The following CNDP1 variants were observed in gnomAD, a reference collection of about 807,000 sequenced individuals.
The protein encoded by CNDP1 is beta-Ala-His dipeptidase.
A neutral mutation model predicts 58.1 loss-of-function variants in CNDP1; 44 were observed. The observed-to-expected ratio is 0.76, with a 90% CI of 0.60 to 0.97. The LOEUF (loss-of-function observed/expected upper bound fraction) is 0.97, where lower values mean the gene tolerates loss of function less well. Ranked by LOEUF, CNDP1 falls within the 50% of genes least tolerant of loss-of-function variation. The pLI is 0.00. For missense variants in CNDP1, 616 were observed against 655.1 expected (o/e 0.94, Z 0.65); for synonymous variants, 254 against 252.6 (o/e 1.01, Z -0.05).
chr18:74,553,567 A>G (rs1323736344), intron 1 of CNDP1, among the ~76,000 whole-genome samples: 1 of 152,206 alleles, frequency 6.6e-6, no homozygotes, highest in Admixed American at 6.5e-5. Flanking sequence ...TCAGTTGATC[A>G]TAAATGTGAG....
intron 1 of CNDP1, among the ~76,000 whole-genome samples, chr18:74,537,178 C>A (rs965577163): frequency 6.6e-6 from 1 of 152,142 alleles, no homozygotes; most frequent in Admixed American, 6.6e-5. Context: ...GTTGCAATTG[C>A]TTTTGGTGTC....
intron 1 of CNDP1, among the ~76,000 whole-genome samples, chr18:74,551,770 G>A (rs1457265404): frequency 6.6e-6 from 1 of 152,006 alleles, no homozygotes; most frequent in Non-Finnish European, 1.5e-5. Context: ...TTTTTTTCCT[G>A]CAGCTTATTT....
At chr18:74,547,437 A>G (rs1258292764) in intron 1 of CNDP1, among the ~76,000 whole-genome samples, 1 of 152,096 alleles carries the variant, frequency 6.6e-6, no homozygotes, top group East Asian at 1.9e-4. Context: ...GCTTTCTTTC[A>G]TTTTCTATTC....
rs74178982 is a variant in CNDP1, at chr18:74,551,361, A to AACACACACACACACAC, written c.25-4959_25-4944dup. 2.5e-3 allele frequency among the ~76,000 whole-genome samples: 367 copies of AACACACACACACACAC among 148,062 alleles called. 2 individuals are homozygous for AACACACACACACACAC. Among genetic ancestry groups the AACACACACACACACAC allele is most frequent in the South Asian group, 0.012 (55 of 4,638 alleles). On this transcript the variant is annotated intron_variant, in intron 1 of 11. Coordinates refer to ENST00000358821, the MANE Select transcript of CNDP1 (RefSeq NM_032649.6). Reference sequence around the variant, plus strand: ...CTAGTTCAAGGTCAAGCACAACTGTAACACACACACACACACACACACACA... The same window carrying AACACACACACACACAC: ...CTAGTTCAAGGTCAAGCACAACTGTAACACACACACACACACACACACACACACACACACACACACA...
chr18:74,579,179 TTC>T (rs1426194243), intron 9 of CNDP1, among the ~76,000 whole-genome samples: 14 of 131,850 alleles, frequency 1.1e-4, no homozygotes, highest in East Asian at 9.2e-4. Flanking sequence ...CCCTTCTCCC[TTC>T]TCCCTTTCCT....
chr18:74,555,583 A>G (rs900988428), intron 1 of CNDP1, among the ~76,000 whole-genome samples: 12 of 152,060 alleles, frequency 7.9e-5, no homozygotes, highest in Admixed American at 6.6e-5. Flanking sequence ...GTCAAGGAGG[A>G]ATGCTGGCTC....
intron 2 of CNDP1, among the ~76,000 whole-genome samples, chr18:74,556,981 C>A (rs1456780295): frequency 3.4e-5 from 5 of 148,566 alleles, no homozygotes; most frequent in Admixed American, 3.3e-4. Flanking sequence ...AGTGGTGAGA[C>A]CTCGGCTAAC....
At chr18:74,579,212 TCCCTTCC>T (rs1322542038) in intron 9 of CNDP1, among the ~76,000 whole-genome samples, 4 of 48,646 alleles carry the variant, frequency 8.2e-5, no homozygotes, top group Non-Finnish European at 1.4e-4. Flanking sequence ...TGCCTTCCCT[TCCCTTCC>T]CTTCCCTTCC....
chr18:74,559,450 C>T lies in CNDP1; in HGVS notation c.281C>T (p.Ser94Leu), dbSNP rs11538620. 1.2e-5 allele frequency: 20 copies of T among 1,609,900 alleles called. No homozygotes were observed. The highest frequency in any genetic ancestry group is 6.7e-5 in the Admixed American group (4 of 59,920). ...CAGCGCCTGGGGGCCCGTGTGGCCT[C>T]GGTGGACATGGGTCCTCAGCAGGTG... ...TLQRLGARVA[S>L]VDMGPQQLPD... Residue 94 changes from serine to leucine, a missense_variant, in exon 3 of 12, where the codon TCG (serine) becomes TTG (leucine). Physicochemically the swap from Ser to Leu is moderately radical, Grantham distance 145 (BLOSUM62 -2). Coordinates refer to ENST00000358821, the MANE Select transcript of CNDP1 (RefSeq NM_032649.6).
rs373598047 is a variant in CNDP1 at position 74,559,462 on chromosome 18, G to A, written c.293G>A (p.Gly98Asp). 2 of 1,608,310 alleles carry A rather than the reference G, an allele frequency of 1.2e-6. No individual in the cohort carries two copies. The highest frequency in any genetic ancestry group is 8.5e-7 in the Non-Finnish European group (1 of 1,179,792). The stretch of plus-strand genomic sequence containing the variant: ...GCCCGTGTGGCCTCGGTGGACATGG[G>A]TCCTCAGCAGGTGCTGTACGATTCC... ...LGARVASVDM[G>D]PQQLPDGQSL... Residue 98 changes from glycine (G) to aspartate (D), a missense_variant, in exon 3 of 12, where the codon GGT (glycine) becomes GAT (aspartate). By Grantham distance (94) the Gly-to-Asp change is moderately conservative (BLOSUM62 -1). Coordinates refer to ENST00000358821, the MANE Select transcript of CNDP1 (RefSeq NM_032649.6).
At chr18:74,542,438 C>G (rs193192859) in intron 1 of CNDP1, among the ~76,000 whole-genome samples, 19 of 152,278 alleles carry the variant, frequency 1.2e-4, no homozygotes, top group Admixed American at 1.2e-3. Flanking sequence ...GCGTTCCCAG[C>G]ACTGAGCCTG....
At chr18:74,547,964 C>A (rs556686909) in intron 1 of CNDP1, among the ~76,000 whole-genome samples, 4 of 152,138 alleles carry the variant, frequency 2.6e-5, no homozygotes, top group Non-Finnish European at 4.4e-5. Context: ...AGTGGGGTTC[C>A]CCTCAGGGTC....
At position 74,540,243 on chromosome 18, in the gene CNDP1, C is replaced by T. The variant is rs565245168; in HGVS notation, c.24+5552C>T. Among the ~76,000 whole-genome samples the T allele has an allele frequency of 4.1e-4, 62 of 151,796 alleles. 3 individuals carry two copies. The South Asian group carries it at 9.6e-3, about 23-fold the overall frequency. On this transcript the variant is annotated intron_variant, in intron 1 of 11. Transcript: ENST00000358821. ...CGCGATCTCAGCTCACTGCAACCTC[C>T]GCTTCCTGGGTTCAAGCGATTCTTC... is the stretch of plus-strand genomic sequence containing the variant.
At chr18:74,583,771 C>T in intron 11 of CNDP1, 63 bp downstream of exon 11, 1 of 1,510,554 alleles carries the variant, frequency 6.6e-7, no homozygotes, top group Non-Finnish European at 9.2e-7. Context: ...CCCGGGTCTA[C>T]ACGTGGGTGA....
At chr18:74,538,974 T>A (rs1383094926) in intron 1 of CNDP1, among the ~76,000 whole-genome samples, 1 of 152,184 alleles carries the variant, frequency 6.6e-6, no homozygotes, top group African/African-American at 2.4e-5. Context: ...GCTCCAAGGT[T>A]CTGAACCTAA....
At chr18:74,540,770 T>C (rs1980600868) in intron 1 of CNDP1, among the ~76,000 whole-genome samples, 1 of 152,156 alleles carries the variant, frequency 6.6e-6, no homozygotes, top group African/African-American at 2.4e-5. Flanking sequence ...TGGCCATGAG[T>C]GCTCGGCTCA....
rs572437330 is a variant in CNDP1, at chr18:74,559,100, T to C, written c.154-223T>C. On this transcript the variant is annotated intron_variant, in intron 2 of 11. Coordinates refer to ENST00000358821, the MANE Select transcript of CNDP1 (RefSeq NM_032649.6). ...CCAGCCCGTCCTGCCTGACCTTCTA[T>C]ACTAACCAGGCGCCTCTGGCTTCTG... 5.9e-5 allele frequency among the ~76,000 whole-genome samples: 9 copies of C among 152,308 alleles called. No individual in the cohort carries two copies. In the East Asian group the frequency reaches 1.7e-3, roughly 29 times the overall value.
chr18:74,583,619 G>A lies in CNDP1; in HGVS notation c.1368G>A (p.Met456Ile), dbSNP rs372773746. Reference sequence around the variant, plus strand: ...GATCCACCATTCCAATTGCCAAAATGTTCCAGGAGATCGTCCACAAGAGCG... The same window carrying A: ...GATCCACCATTCCAATTGCCAAAATATTCCAGGAGATCGTCCACAAGAGCG... ...RDGSTIPIAK[M>I]FQEIVHKSVV... The change falls in exon 11 of 12, where the codon ATG (methionine) becomes ATA (isoleucine). Residue 456 changes from methionine (M) to isoleucine (I), a missense_variant. Transcript: ENST00000358821. The A allele has an allele frequency of 3.7e-6, 6 of 1,614,038 alleles. No individual in the cohort carries two copies. The Admixed American group carries it at 5.0e-5, about 13-fold the overall frequency.
chr18:74,562,241 G>A (rs1016303075), intron 5 of CNDP1, 106 bp downstream of exon 5: 20 of 940,532 alleles, frequency 2.1e-5, no homozygotes, highest in Middle Eastern at 3.0e-4. Flanking sequence ...TCACTTACTC[G>A]CCCCAACAAT....
Sources: allele counts gnomAD v4.1 joint callset (sites outside exome capture counted in the v4.1 genomes callset), GRCh38; gene constraint gnomAD v4.1.1; transcripts MANE v1.5; gene names NCBI Gene and HGNC (gene_info 2026-07-23, HGNC 2026-07-21).